The following ZNF469 variants were observed in gnomAD, a reference collection of about 807,000 sequenced individuals.
The protein encoded by ZNF469 is zinc finger protein 469.
Under a neutral mutation model 1.0 loss-of-function variants are expected in ZNF469, and 1 was observed. The observed-to-expected ratio is 1.00, with a 90% CI of 0.35 to 4.73. The LOEUF (loss-of-function observed/expected upper bound fraction) is 4.73. ZNF469 is among the 30% of genes most tolerant of loss of function. ZNF469 has a pLI of 0.16. For missense variants in ZNF469, 6,100 were observed against 5,356.3 expected, an observed-to-expected ratio of 1.14 and a Z score of -4.33; for synonymous variants, 2,703 against 2,363.4, an observed-to-expected ratio of 1.14 and a Z score of -4.17.
the ZNF469 span, among the ~76,000 whole-genome samples, chr16:88,374,315 TTGCTAGCTGG>T: frequency 6.6e-6 from 1 of 152,028 alleles, no homozygotes; most frequent in African/African-American, 2.4e-5. Flanking sequence ...GAATAGGAGT[TTGCTAGCTGG>T]CAAAGCTGGC....
chr16:88,434,083 G>T lies in ZNF469; in HGVS notation c.6613G>T (p.Asp2205Tyr). ...APPSLTTSPC[D>Y]PKEALAGCLL... The stretch of plus-strand genomic sequence containing the variant: ...CCCGTCTTTGACAACAAGCCCCTGC[G>T]ATCCCAAGGAAGCCCTGGCTGGTTG... Residue 2205 changes from aspartate to tyrosine, a missense_variant, in exon 3 of 3, where the codon GAT becomes TAT. Physicochemically the swap from Asp to Tyr is radical, Grantham distance 160. Coordinates refer to ENST00000565624, the MANE Select transcript of ZNF469 (RefSeq NM_001367624.2). 2 of 1,550,400 alleles carry T rather than the reference G, an allele frequency of 1.3e-6. No individual in the cohort carries two copies. The highest frequency in any genetic ancestry group is 2.4e-5 in the South Asian group (2 of 84,066).
chr16:88,199,799 G>A, the ZNF469 span, among the ~76,000 whole-genome samples: 6 of 152,268 alleles, frequency 3.9e-5, no homozygotes, highest in Admixed American at 6.5e-5. Context: ...GGGACTCAGC[G>A]TCCCCACCTG....
the ZNF469 span, among the ~76,000 whole-genome samples, chr16:88,252,758 A>T: frequency 6.6e-6 from 1 of 152,182 alleles, no homozygotes; most frequent in African/African-American, 2.4e-5. Flanking sequence ...TAAGTGTGTG[A>T]TTTGATGAGT....
the ZNF469 span, among the ~76,000 whole-genome samples, chr16:88,202,553 G>A: frequency 1.8e-4 from 27 of 152,194 alleles, 1 homozygote; most frequent in Admixed American, 1.8e-3. Flanking sequence ...ACCCAGGGCG[G>A]GGCAGGTGCT....
the ZNF469 span, among the ~76,000 whole-genome samples, chr16:88,344,874 G>A: frequency 1.4e-4 from 21 of 152,340 alleles, no homozygotes; most frequent in African/African-American, 4.1e-4. Context: ...TGTCGAACCC[G>A]TCAGGTCGCC....
the ZNF469 span, among the ~76,000 whole-genome samples, chr16:88,349,087 T>C: frequency 6.6e-6 from 1 of 152,120 alleles, no homozygotes; most frequent in Admixed American, 6.5e-5. Context: ...CCAGCATGGC[T>C]CTGGGCGGGA....
intron 1 of ZNF469, among the ~76,000 whole-genome samples, chr16:88,398,330 A>G (rs1904750620): frequency 6.6e-6 from 1 of 152,100 alleles, no homozygotes; most frequent in African/African-American, 2.4e-5. Context: ...GGGCCACGTG[A>G]GCCACGGGTG....
At chr16:88,286,664 G>A in the ZNF469 span, among the ~76,000 whole-genome samples, 1 of 152,258 alleles carries the variant, frequency 6.6e-6, no homozygotes, top group Non-Finnish European at 1.5e-5. Context: ...CATTCAGCAG[G>A]GGCTGGCTGG....
chr16:88,361,479 T>G, the ZNF469 span, among the ~76,000 whole-genome samples: 1 of 152,246 alleles, frequency 6.6e-6, no homozygotes, highest in Non-Finnish European at 1.5e-5. Flanking sequence ...AGAAGACTGA[T>G]GATGTTGACA....
At chr16:88,239,689 ATATATATATATATATATATATATATATTT>A in the ZNF469 span, among the ~76,000 whole-genome samples, 1 of 8,802 alleles carries the variant, frequency 1.1e-4, no homozygotes, top group Non-Finnish European at 3.7e-4. Flanking sequence ...ATATATATAT[ATATATATATATATATATATATATATATTT>A]TTTTTTTTTT....
At chr16:88,401,615 GTGGATGGA>G (rs148034204) in intron 1 of ZNF469, among the ~76,000 whole-genome samples, 241 of 144,996 alleles carry the variant, frequency 1.7e-3, no homozygotes, top group African/African-American at 6.1e-3. Flanking sequence ...AGTTGGGTGA[GTGGATGGA>G]TGGATGGATG....
At chr16:88,342,071 C>A in the ZNF469 span, among the ~76,000 whole-genome samples, 2 of 151,128 alleles carry the variant, frequency 1.3e-5, no homozygotes, top group South Asian at 2.1e-4. Context: ...ATGTGCAGGG[C>A]GGGGCGGGGC....
At chr16:88,194,925 A>G in the ZNF469 span, 1 of 152,200 alleles carries the variant, frequency 6.6e-6, no homozygotes, top group African/African-American at 2.4e-5. Context: ...GTCCCAGGGA[A>G]CGGTATTTCT....
At chr16:88,375,433 G>C in the ZNF469 span, among the ~76,000 whole-genome samples, 10 of 152,228 alleles carry the variant, frequency 6.6e-5, no homozygotes, top group Non-Finnish European at 1.0e-4. Context: ...AGCAAGTTGG[G>C]TGAGTTACCA....
chr16:88,165,880 T>C, the ZNF469 span, among the ~76,000 whole-genome samples: 790 of 152,362 alleles, frequency 5.2e-3, 4 homozygotes, highest in African/African-American at 0.018. Context: ...ATTTGTCTTT[T>C]GGTGCCTGGC....
At chr16:88,409,005 A>T (rs1438477226) in intron 1 of ZNF469, among the ~76,000 whole-genome samples, 1 of 152,212 alleles carries the variant, frequency 6.6e-6, no homozygotes, top group African/African-American at 2.4e-5. Context: ...GCTGAAGGTC[A>T]GCCCAGCAGG....
chr16:88,413,026 C>T (rs961418050), intron 1 of ZNF469, among the ~76,000 whole-genome samples: 3 of 151,942 alleles, frequency 2.0e-5, no homozygotes, highest in Non-Finnish European at 2.9e-5. Flanking sequence ...AGACCCAGGG[C>T]GCACCACGGC....
chr16:88,300,178 C>T, the ZNF469 span, among the ~76,000 whole-genome samples: 3 of 152,162 alleles, frequency 2.0e-5, no homozygotes, highest in African/African-American at 7.2e-5. Context: ...TGGTCAAAGT[C>T]ACTTTGATTT....
At chr16:88,272,958 G>A in the ZNF469 span, among the ~76,000 whole-genome samples, 58 of 127,296 alleles carry the variant, frequency 4.6e-4, no homozygotes, top group Admixed American at 6.3e-4. Context: ...GGGTGGGTGT[G>A]TGGATAGACG....
Sources: gnomAD v4.1 joint callset for allele counts (sites outside exome capture counted in the v4.1 genomes callset) on GRCh38, gnomAD v4.1.1 for gene constraint, MANE v1.5 for transcripts, NCBI Gene and HGNC (gene_info 2026-07-23, HGNC 2026-07-21) for gene names.